The following PTPRT variants were observed in gnomAD, a reference collection of about 807,000 sequenced individuals.
PTPRT encodes receptor-type tyrosine-protein phosphatase T.
PTPRT carries 56 observed loss-of-function variants against 176.8 expected under a neutral mutation model. The ratio of observed to expected loss-of-function variants is 0.32; its 90% confidence interval spans 0.26 to 0.40. The LOEUF (loss-of-function observed/expected upper bound fraction) is 0.40. Among genes scored for constraint, PTPRT ranks in the 10% least tolerant of loss-of-function variants. The pLI is 1.00. For synonymous variants in PTPRT, 783 were observed against 739.0 expected, an observed-to-expected ratio of 1.06 and a Z score of -0.96; for missense variants, 1,540 against 1,908.2, an observed-to-expected ratio of 0.81 and a Z score of 3.60.
At chr20:43,178,285 G>A (rs983937048) in intron 1 of PTPRT, among the ~76,000 whole-genome samples, 1 of 152,166 alleles carries the variant, frequency 6.6e-6, no homozygotes, top group African/African-American at 2.4e-5. Context: ...CTGAGACACA[G>A]GGAGGAAGCT....
intron 3 of PTPRT, 40 bp from the exon 4 acceptor site, chr20:42,780,339 T>C (rs1285908526): frequency 6.6e-7 from 1 of 1,513,476 alleles, no homozygotes; most frequent in African/African-American, 1.4e-5. Context: ...ACAGAAACAG[T>C]TGCAGGCATT....
intron 7 of PTPRT, among the ~76,000 whole-genome samples, chr20:42,529,684 T>C (rs2072344606): frequency 2.0e-5 from 3 of 151,768 alleles, no homozygotes; most frequent in Non-Finnish European, 4.4e-5. Context: ...GATGAGGTTT[T>C]TCCAGTTGGC....
chr20:42,837,438 G>C (rs1158660079), intron 2 of PTPRT, among the ~76,000 whole-genome samples: 2 of 152,118 alleles, frequency 1.3e-5, no homozygotes, highest in East Asian at 3.9e-4. Flanking sequence ...CACACCTCTT[G>C]AGAGCTCATC....
intron 1 of PTPRT, among the ~76,000 whole-genome samples, chr20:43,058,041 G>A (rs571312377): frequency 1.3e-5 from 2 of 152,292 alleles, no homozygotes; most frequent in East Asian, 3.9e-4. Context: ...GCTTTACAGA[G>A]GCAGTGGTGT....
At chr20:42,689,501 C>G (rs539815461) in intron 6 of PTPRT, among the ~76,000 whole-genome samples, 64 of 152,270 alleles carry the variant, frequency 4.2e-4, no homozygotes, top group African/African-American at 1.4e-3. Context: ...CAGTGGGCAA[C>G]TGAAGGAGTG....
At chr20:42,186,876 T>C (rs1218652833) in intron 16 of PTPRT, among the ~76,000 whole-genome samples, 1 of 152,090 alleles carries the variant, frequency 6.6e-6, no homozygotes, top group African/African-American at 2.4e-5. Flanking sequence ...ATATCGAAGA[T>C]GTAGACTCAT....
intron 1 of PTPRT, among the ~76,000 whole-genome samples, chr20:43,041,540 T>C (rs139310983): frequency 0.016 from 2,467 of 152,308 alleles, 31 homozygotes; most frequent in Middle Eastern, 0.041. Context: ...AAAGTACCTA[T>C]AAGAGCCTTG....
At chr20:42,177,639 C>T (rs937646825) in intron 16 of PTPRT, among the ~76,000 whole-genome samples, 4 of 152,154 alleles carry the variant, frequency 2.6e-5, no homozygotes, top group Non-Finnish European at 5.9e-5. Flanking sequence ...AAAGAACATA[C>T]TAAATATAGA....
intron 27 of PTPRT, among the ~76,000 whole-genome samples, chr20:42,092,263 A>T (rs1410750127): frequency 1.3e-5 from 2 of 152,240 alleles, no homozygotes; most frequent in Non-Finnish European, 1.5e-5. Flanking sequence ...TATGAAGCTC[A>T]TATCTCTCCG....
intron 2 of PTPRT, among the ~76,000 whole-genome samples, chr20:42,835,016 C>T (rs1343031797): frequency 6.6e-6 from 1 of 152,096 alleles, no homozygotes; most frequent in African/African-American, 2.4e-5. Context: ...ATATACCATG[C>T]TCTAATAGAA....
chr20:42,170,100 TG>T (rs1439598819), intron 16 of PTPRT, among the ~76,000 whole-genome samples: 2 of 152,220 alleles, frequency 1.3e-5, no homozygotes, highest in African/African-American at 4.8e-5. Flanking sequence ...GTGTGATGCC[TG>T]GAACTGCTGA....
At chr20:42,618,533 A>AG (rs1456583041) in intron 7 of PTPRT, among the ~76,000 whole-genome samples, 2 of 133,466 alleles carry the variant, frequency 1.5e-5, no homozygotes, top group African/African-American at 6.8e-5. Flanking sequence ...TAATGTTGAC[A>AG]GGGGGGTGTT....
intron 7 of PTPRT, among the ~76,000 whole-genome samples, chr20:42,535,108 G>A (rs1444817561): frequency 1.3e-5 from 2 of 152,038 alleles, no homozygotes; most frequent in African/African-American, 2.4e-5. Flanking sequence ...CAAAGTCCCT[G>A]GCACAAAATA....
At chr20:42,424,673 GA>G (rs1404789755) in intron 9 of PTPRT, among the ~76,000 whole-genome samples, 2 of 152,020 alleles carry the variant, frequency 1.3e-5, no homozygotes, top group Admixed American at 1.3e-4. Flanking sequence ...CAAGTGCAGT[GA>G]AATTACAGCA....
chr20:43,113,618 T>C (rs2012948055), intron 1 of PTPRT, among the ~76,000 whole-genome samples: 1 of 152,174 alleles, frequency 6.6e-6, no homozygotes, highest in Admixed American at 6.5e-5. Flanking sequence ...GGATGAGGTA[T>C]GGGAGGACCA....
chr20:42,034,183 TCA>T, the PTPRT span, among the ~76,000 whole-genome samples: 2 of 152,132 alleles, frequency 1.3e-5, no homozygotes, highest in Non-Finnish European at 2.9e-5. Context: ...GACTGCAGTC[TCA>T]CCTGAAGGAT....
At chr20:42,226,091 T>C (rs2056003938) in intron 15 of PTPRT, among the ~76,000 whole-genome samples, 2 of 152,246 alleles carry the variant, frequency 1.3e-5, no homozygotes, top group African/African-American at 4.8e-5. Flanking sequence ...CTGCTCCTCT[T>C]TTCATGCACT....
chr20:42,495,616 A>G (rs1210721246), intron 7 of PTPRT, among the ~76,000 whole-genome samples: 1 of 152,196 alleles, frequency 6.6e-6, no homozygotes, highest in Non-Finnish European at 1.5e-5. Context: ...TTTTCCCGTT[A>G]GAGTCTCAGC....
At chr20:42,767,843 TATA>T (rs1437329335) in intron 5 of PTPRT, among the ~76,000 whole-genome samples, 10 of 146,460 alleles carry the variant, frequency 6.8e-5, no homozygotes, top group Non-Finnish European at 9.0e-5. Context: ...TTATATAACA[TATA>T]ATAACATAAT....
Sources: gnomAD v4.1 joint callset for allele counts (sites outside exome capture counted in the v4.1 genomes callset) on GRCh38, gnomAD v4.1.1 for gene constraint, MANE v1.5 for transcripts, NCBI Gene and HGNC (gene_info 2026-07-23, HGNC 2026-07-21) for gene names.